SLC25A26: variants seen among roughly 807,000 people sequenced by gnomAD.
The protein encoded by SLC25A26 is mitochondrial S-adenosylmethionine carrier protein.
A neutral mutation model predicts 37.8 loss-of-function variants in SLC25A26; 36 were observed. The observed-to-expected ratio is 0.95, with a 90% CI of 0.73 to 1.26. SLC25A26 has a LOEUF of 1.26. Ranked by LOEUF, SLC25A26 falls within the 50% of genes most tolerant of loss-of-function variation. SLC25A26 has a pLI of 0.00. For synonymous variants in SLC25A26, 129 were observed against 122.5 expected, an observed-to-expected ratio of 1.05 and a Z score of -0.35; for missense variants, 390 against 331.1, an observed-to-expected ratio of 1.18 and a Z score of -1.38.
At chr3:66,285,270 A>T (rs144694173) in intron 5 of SLC25A26, among the ~76,000 whole-genome samples, 142 of 152,072 alleles carry the variant, frequency 9.3e-4, no homozygotes, top group East Asian at 1.2e-3. Context: ...CATTATTATT[A>T]TTTTTTTTAA....
intron 1 of SLC25A26, among the ~76,000 whole-genome samples, chr3:66,155,149 C>A (rs1413013776): frequency 2.0e-5 from 3 of 152,184 alleles, no homozygotes; most frequent in African/African-American, 7.2e-5. Context: ...TTTTGCATAT[C>A]TGTGTCCCTT....
At chr3:66,273,261 G>C (rs1044655664) in intron 5 of SLC25A26, among the ~76,000 whole-genome samples, 6 of 152,008 alleles carry the variant, frequency 3.9e-5, no homozygotes, top group Non-Finnish European at 5.9e-5. Context: ...TCTCTTTTCT[G>C]GTTGTATCTC....
intron 9 of SLC25A26, chr3:66,371,551 G>T: frequency 8.9e-7 from 1 of 1,128,034 alleles, no homozygotes; most frequent in Non-Finnish European, 1.2e-6. Context: ...GACGTTGGGG[G>T]TGTGAAGGGT....
chr3:66,301,391 C>T (rs1052543613), intron 5 of SLC25A26, among the ~76,000 whole-genome samples: 3 of 152,150 alleles, frequency 2.0e-5, no homozygotes, highest in Non-Finnish European at 4.4e-5. Context: ...CTTTGATGGG[C>T]GTTAGAATTG....
chr3:66,212,665 G>A (rs1217940822), intron 1 of SLC25A26, among the ~76,000 whole-genome samples: 1 of 151,894 alleles, frequency 6.6e-6, no homozygotes, highest in East Asian at 1.9e-4. Flanking sequence ...TAAGCTCCTG[G>A]CAACCACCAT....
intron 1 of SLC25A26, among the ~76,000 whole-genome samples, chr3:66,154,500 A>G (rs917030999): frequency 1.0e-4 from 15 of 149,422 alleles, no homozygotes; most frequent in Admixed American, 6.7e-4. Context: ...CTGCCTTTCA[A>G]TTCTGGCTCT....
intron 1 of SLC25A26, among the ~76,000 whole-genome samples, chr3:66,204,917 A>G (rs2071157888): frequency 6.6e-6 from 1 of 152,210 alleles, no homozygotes; most frequent in Admixed American, 6.5e-5. Flanking sequence ...CTATGGAACT[A>G]GCAGGTAGGG....
In SLC25A26 at chr3:66,323,111, T is replaced by C. The variant is rs1054213984; in HGVS notation, c.454-23253T>C. Among the ~76,000 whole-genome samples the C allele has an allele frequency of 3.9e-5, 6 of 152,186 alleles. No homozygotes were observed. The East Asian group carries it at 1.2e-3, about 29-fold the overall frequency. ...TAGAAATAGGCATTGTGGAGATGCCTCTTTCCTCTCTGAGGTGGAAGAGCA... is the reference window on the plus strand; with the variant it reads ...TAGAAATAGGCATTGTGGAGATGCCCCTTTCCTCTCTGAGGTGGAAGAGCA... On this transcript the variant is annotated intron_variant, in intron 5 of 9. Transcript: ENST00000354883.
intron 5 of SLC25A26, among the ~76,000 whole-genome samples, chr3:66,298,949 A>G (rs1020033269): frequency 6.6e-6 from 1 of 152,224 alleles, no homozygotes; most frequent in Admixed American, 6.5e-5. Flanking sequence ...AACAAGGGAA[A>G]AATTTTAACA....
Position 66,205,144 on chromosome 3 carries a change from A to G in SLC25A26, c.-353-15598A>G, listed in dbSNP as rs999430734. On this transcript the variant is annotated intron_variant, in intron 1 of 10. Coordinates refer to the SLC25A26 transcript ENST00000676754. ...TGAATGAAGCCTGCAATGTGCAACA[A>G]AAAGATTTTTGTGTTTATTTATTGA... Among the ~76,000 whole-genome samples, 48 of 152,332 alleles carry G rather than the reference A, an allele frequency of 3.2e-4. 1 individual carries two copies. Among genetic ancestry groups the G allele is most frequent in the South Asian group, 2.3e-3 (11 of 4,826 alleles).
At chr3:66,362,461 C>G (rs1205147591) in intron 6 of SLC25A26, among the ~76,000 whole-genome samples, 2 of 152,098 alleles carry the variant, frequency 1.3e-5, no homozygotes, top group Non-Finnish European at 2.9e-5. Context: ...ATATAACATT[C>G]TGGGAAAGGC....
At chr3:66,288,078 C>T (rs543933261) in intron 5 of SLC25A26, among the ~76,000 whole-genome samples, 1 of 152,106 alleles carries the variant, frequency 6.6e-6, no homozygotes, top group Non-Finnish European at 1.5e-5. Flanking sequence ...AGAGATTCTG[C>T]CCCTAGACAG....
At chr3:66,340,586 T>C (rs753316758) in intron 5 of SLC25A26, among the ~76,000 whole-genome samples, 20 of 152,082 alleles carry the variant, frequency 1.3e-4, no homozygotes, top group Non-Finnish European at 2.1e-4. Flanking sequence ...AATTTTTGTG[T>C]AGGGTTTTGA....
chr3:66,220,852 A>C (rs1423008033), upstream of SLC25A26: 2 of 567,686 alleles, frequency 3.5e-6, no homozygotes, highest in Non-Finnish European at 6.2e-6. Flanking sequence ...TGCTGCAGGA[A>C]ACCGAGGTAA....
intron 3 of SLC25A26, among the ~76,000 whole-genome samples, chr3:66,246,179 A>C (rs1279295379): frequency 6.6e-6 from 1 of 152,206 alleles, no homozygotes; most frequent in Non-Finnish European, 1.5e-5. Context: ...TTAGGTGATT[A>C]TGTCCTGACA....
intron 5 of SLC25A26, among the ~76,000 whole-genome samples, chr3:66,263,954 G>A (rs772403545): frequency 1.3e-4 from 20 of 151,196 alleles, no homozygotes; most frequent in Admixed American, 4.0e-4. Context: ...CGCCGCGCCC[G>A]GCCTCCCGGC....
At chr3:66,270,526 T>C (rs2073922016) in intron 5 of SLC25A26, among the ~76,000 whole-genome samples, 1 of 152,192 alleles carries the variant, frequency 6.6e-6, no homozygotes, top group Admixed American at 6.5e-5. Flanking sequence ...ATTCAGGCTT[T>C]CAGTAAATGT....
intron 9 of SLC25A26, among the ~76,000 whole-genome samples, chr3:66,374,354 G>A (rs180934984): frequency 3.3e-5 from 5 of 152,210 alleles, no homozygotes; most frequent in Non-Finnish European, 5.9e-5. Context: ...GTGATCAGCC[G>A]TCTTCGATGT....
chr3:66,209,724 A>C (rs2071249663), intron 1 of SLC25A26, among the ~76,000 whole-genome samples: 1 of 138,310 alleles, frequency 7.2e-6, no homozygotes, highest in Non-Finnish European at 1.5e-5. Flanking sequence ...TATATTTTAT[A>C]GGTATATATT....
Sources: allele counts gnomAD v4.1 joint callset (sites outside exome capture counted in the v4.1 genomes callset), GRCh38; gene constraint gnomAD v4.1.1; transcripts MANE v1.5; gene names NCBI Gene and HGNC (gene_info 2026-07-23, HGNC 2026-07-21).